OR11H4: variants seen among roughly 807,000 people sequenced by gnomAD.
The protein encoded by OR11H4 is olfactory receptor 11H4.
For missense variants in OR11H4, 460 were observed against 371.1 expected (o/e 1.24, Z -1.97); for synonymous variants, 162 against 142.3 (o/e 1.14, Z -0.98).
intron 1 of OR11H4, among the ~76,000 whole-genome samples, chr14:20,240,811 A>G (rs1880899086): frequency 6.6e-6 from 1 of 152,120 alleles, no homozygotes; most frequent in East Asian, 1.9e-4. Flanking sequence ...TCCTGACTTC[A>G]GCGATCTACC....
At chr14:20,239,474 C>G (rs1280019326) in intron 1 of OR11H4, 143 bp downstream of exon 1, 10 of 152,570 alleles carry the variant, frequency 6.6e-5, no homozygotes, top group Middle Eastern at 3.4e-3. Flanking sequence ...GCAGTCCGAT[C>G]ACGAGGTCAG....
intron 1 of OR11H4, among the ~76,000 whole-genome samples, chr14:20,240,348 A>C (rs1486183650): frequency 6.6e-6 from 1 of 152,200 alleles, no homozygotes; most frequent in Non-Finnish European, 1.5e-5. Flanking sequence ...TTTAGAACTC[A>C]GATGCTCCAA....
intron 1 of OR11H4, among the ~76,000 whole-genome samples, chr14:20,241,878 G>T (rs1880933035): frequency 6.6e-6 from 1 of 152,226 alleles, no homozygotes; most frequent in South Asian, 2.1e-4. Context: ...GCCTGGATGT[G>T]CACGTAGGCC....
Position 20,244,003 on chromosome 14 carries a change from T to G in OR11H4, c.*237T>G, listed in dbSNP as rs1594244112. 1 of 368,648 alleles carries G rather than the reference T, an allele frequency of 2.7e-6. No individual in the cohort carries two copies. The highest frequency in any genetic ancestry group is 4.3e-5 in the East Asian group (1 of 23,128). The allele number at this position is 368,648 out of a possible 1,614,324, so 22.8% of individuals were successfully genotyped here. A position where few individuals can be genotyped will look rare whatever the true frequency, so the allele number is the denominator to read the frequency against. On this transcript the variant is annotated 3_prime_UTR_variant, in exon 2 of 2. Coordinates refer to ENST00000641082, the MANE Select transcript of OR11H4 (RefSeq NM_001004479.2). ...TTTATTAGAATGATAAAATGGAATT[T>G]CTACATGAGATGCCCTCCTGCTGAC...
chr14:20,240,076 AGT>A (rs1428364969), intron 1 of OR11H4, among the ~76,000 whole-genome samples: 1 of 152,192 alleles, frequency 6.6e-6, no homozygotes, highest in East Asian at 1.9e-4. Flanking sequence ...TAAAGTTGTC[AGT>A]GTATAATGGA....
intron 1 of OR11H4, 148 bp from the exon 2 acceptor site, chr14:20,242,663 G>A (rs139170120): frequency 4.7e-6 from 4 of 851,022 alleles, no homozygotes; most frequent in East Asian, 5.1e-5. Flanking sequence ...AATTTGGTAG[G>A]ACATATTCCC....
chr14:20,241,893 A>G (rs192839143), intron 1 of OR11H4, among the ~76,000 whole-genome samples: 2 of 151,984 alleles, frequency 1.3e-5, no homozygotes, highest in Admixed American at 6.6e-5. Context: ...TAGGCCAGAT[A>G]TATAGTTCTC....
Position 20,243,537 on chromosome 14 carries a change from C to T in OR11H4, c.716C>T (p.Ser239Phe), listed in dbSNP as rs760610061. Residue 239 changes from serine (S) to phenylalanine (F), a missense_variant, in exon 2 of 2, where the codon TCT becomes TTT. Transcript: ENST00000641082. ...GCAGCTGGTCGGAGAAAAGCCTTCT[C>T]TACCTGTGGTTCTCATTTGGTTGTG... ...PSAAGRRKAF[S>F]TCGSHLVVVS... The T allele has an allele frequency of 6.2e-7, 1 of 1,613,530 alleles. No individual in the cohort carries two copies. Among genetic ancestry groups the T allele is most frequent in the Non-Finnish European group, 8.5e-7 (1 of 1,179,820 alleles).
At chr14:20,240,006 C>T (rs765382239) in intron 1 of OR11H4, among the ~76,000 whole-genome samples, 3 of 152,246 alleles carry the variant, frequency 2.0e-5, no homozygotes, top group South Asian at 2.1e-4. Flanking sequence ...TCAGAAAAAA[C>T]AATGTTGCTG....
Position 20,243,437 on chromosome 14 carries a change from G to T in OR11H4, c.616G>T (p.Val206Phe). 2 of 1,613,706 alleles carry T rather than the reference G, an allele frequency of 1.2e-6. No homozygotes were observed. The highest frequency in any genetic ancestry group is 2.2e-5 in the East Asian group (1 of 44,880). The change falls in exon 2 of 2, where the codon GTC (valine) becomes TTC (phenylalanine). Residue 206 changes from valine to phenylalanine, a missense_variant. Coordinates refer to ENST00000641082, the MANE Select transcript of OR11H4 (RefSeq NM_001004479.2). ...TATTTTCTATACTCAGAGCTCCCTT[G>T]TCCTCTTTTTCACTAGTATGTACAT... is the stretch of plus-strand genomic sequence containing the variant. ...ECIFYTQSSL[V>F]LFFTSMYILR... is the part of the protein sequence containing the mutation.
Position 20,243,011 on chromosome 14 carries a change from G to C in OR11H4, c.190G>C (p.Gly64Arg). The C allele has an allele frequency of 6.2e-7, 1 of 1,614,056 alleles. No homozygotes were observed. ...ACACACCCCCATGTACTTTCTGCTG[G>C]GAAATTTTGCCTTCCTTGAGATCTG... ...LLHTPMYFLL[G>R]NFAFLEIWYV... The change falls in exon 2 of 2, where the codon GGA becomes CGA. Residue 64 changes from glycine (G) to arginine (R), a missense_variant. Gly to Arg is a moderately radical substitution (Grantham distance 125, BLOSUM62 -2). Coordinates refer to ENST00000641082, the MANE Select transcript of OR11H4 (RefSeq NM_001004479.2).
chr14:20,240,446 C>T (rs1880889753), intron 1 of OR11H4, among the ~76,000 whole-genome samples: 1 of 152,148 alleles, frequency 6.6e-6, no homozygotes, highest in Non-Finnish European at 1.5e-5. Flanking sequence ...CCTGATCCTT[C>T]CTTCAACTTC....
At chr14:20,239,712 AAAAG>A (rs1880875828) in intron 1 of OR11H4, among the ~76,000 whole-genome samples, 1 of 152,024 alleles carries the variant, frequency 6.6e-6, no homozygotes, top group Non-Finnish European at 1.5e-5. Flanking sequence ...AAGAAAAAGA[AAAAG>A]AAAGAGCTGG....
At position 20,242,910 on chromosome 14, in the gene OR11H4, T is replaced by G; in HGVS notation, c.89T>G (p.Leu30Trp). 6.2e-7 allele frequency: 1 copy of G among 1,614,204 alleles called. No individual in the cohort carries two copies. Residue 30 changes from leucine (L) to tryptophan (W), a missense_variant, in exon 2 of 2, where the codon TTG becomes TGG. By Grantham distance (61) the Leu-to-Trp change is moderately conservative. Coordinates refer to ENST00000641082, the MANE Select transcript of OR11H4 (RefSeq NM_001004479.2). ...AAGATTCAGATTTTCCTCTTCTCAT[T>G]GTTTTTGGTGATTTATGTCTTGACC... is the stretch of plus-strand genomic sequence containing the variant. ...CWKIQIFLFS[L>W]FLVIYVLTLL... is the part of the protein sequence containing the mutation.
At chr14:20,240,482 T>G (rs2138748033) in intron 1 of OR11H4, among the ~76,000 whole-genome samples, 1 of 152,250 alleles carries the variant, frequency 6.6e-6, no homozygotes, top group Middle Eastern at 3.4e-3. Flanking sequence ...CTTTCACATT[T>G]TTCTTTTACA....
chr14:20,243,005 C>G lies in OR11H4; in HGVS notation c.184C>G (p.Leu62Val), dbSNP rs1206115568. Residue 62 changes from leucine to valine, a missense_variant, in exon 2 of 2, where the codon CTG becomes GTG. Coordinates refer to ENST00000641082, the MANE Select transcript of OR11H4 (RefSeq NM_001004479.2). ...NPLLHTPMYF[L>V]LGNFAFLEIW... The stretch of plus-strand genomic sequence containing the variant: ...ACTACTACACACCCCCATGTACTTT[C>G]TGCTGGGAAATTTTGCCTTCCTTGA... The G allele has an allele frequency of 6.2e-7, 1 of 1,614,150 alleles. No individual in the cohort carries two copies. Among genetic ancestry groups the G allele is most frequent in the African/African-American group, 1.3e-5 (1 of 75,016 alleles).
chr14:20,243,903 A>G lies in OR11H4; in HGVS notation c.*137A>G. Reference sequence around the variant, plus strand: ...ACCTGGAAGTGTGCCCAGCTTAAATATGTTTCCAGCACTGACTCTTTAAAC... The same window carrying G: ...ACCTGGAAGTGTGCCCAGCTTAAATGTGTTTCCAGCACTGACTCTTTAAAC... On this transcript the variant is annotated 3_prime_UTR_variant, in exon 2 of 2. Transcript: ENST00000641082. 1 of 826,360 alleles carries G rather than the reference A, an allele frequency of 1.2e-6. No individual in the cohort carries two copies. Among genetic ancestry groups the G allele is most frequent in the Non-Finnish European group, 1.8e-6 (1 of 556,646 alleles). 51.2% of individuals were successfully genotyped at this position (826,360 alleles called of 1,614,324 possible).
At position 20,243,529 on chromosome 14, in the gene OR11H4, A is replaced by C. The variant is rs140555973; in HGVS notation, c.708A>C (p.Lys236Asn). 6.0e-4 allele frequency: 974 copies of C among 1,613,532 alleles called. 3 individuals carry two copies. The highest frequency in any genetic ancestry group is 7.5e-4 in the Non-Finnish European group (890 of 1,179,892). Residue 236 changes from lysine to asparagine, a missense_variant, in exon 2 of 2, where the codon AAA becomes AAC. Transcript: ENST00000641082. Reference protein sequence around the residue: ...FQVPSAAGRRKAFSTCGSHLV... With the variant: ...FQVPSAAGRRNAFSTCGSHLV... The stretch of plus-strand genomic sequence containing the variant: ...TCCCTTCTGCAGCTGGTCGGAGAAA[A>C]GCCTTCTCTACCTGTGGTTCTCATT...
In OR11H4 at chr14:20,243,530, G is replaced by T. The variant is rs775706710; in HGVS notation, c.709G>T (p.Ala237Ser). Residue 237 changes from alanine (A) to serine (S), a missense_variant, in exon 2 of 2, where the codon GCC (alanine) becomes TCC (serine). Transcript: ENST00000641082. ...QVPSAAGRRK[A>S]FSTCGSHLVV... ...CCCTTCTGCAGCTGGTCGGAGAAAA[G>T]CCTTCTCTACCTGTGGTTCTCATTT... The T allele has an allele frequency of 4.3e-6, 7 of 1,613,576 alleles. No homozygotes were observed. The highest frequency in any genetic ancestry group is 2.2e-5 in the East Asian group (1 of 44,898).
Sources: allele counts gnomAD v4.1 joint callset (sites outside exome capture counted in the v4.1 genomes callset), GRCh38; gene constraint gnomAD v4.1.1; transcripts MANE v1.5; gene names NCBI Gene and HGNC (gene_info 2026-07-23, HGNC 2026-07-21).